KCNG3: variants seen among roughly 807,000 people sequenced by gnomAD.
KCNG3 encodes voltage-gated potassium channel regulatory subunit KCNG3.
A neutral mutation model predicts 29.0 loss-of-function variants in KCNG3; 15 were observed. That is an observed-to-expected ratio of 0.52 (90% confidence interval 0.35 to 0.80). The LOEUF (loss-of-function observed/expected upper bound fraction) is 0.80, where lower values mean the gene tolerates loss of function less well. Ranked by LOEUF, KCNG3 falls within the 30% of genes least tolerant of loss-of-function variation. The probability of loss-of-function intolerance (pLI) is 0.01; values close to 1 mark genes in which losing one functional copy is unlikely to be tolerated. For synonymous variants in KCNG3, 322 were observed against 248.9 expected, an observed-to-expected ratio of 1.29 and a Z score of -2.76; for missense variants, 512 against 605.7, an observed-to-expected ratio of 0.85 and a Z score of 1.62.
the KCNG3 span, among the ~76,000 whole-genome samples, chr2:42,428,475 A>G: frequency 6.1e-4 from 88 of 143,876 alleles, 1 homozygote; most frequent in African/African-American, 1.1e-3. Context: ...AAAAAAAAAA[A>G]AAAGAAAAGA....
intron 1 of KCNG3, among the ~76,000 whole-genome samples, chr2:42,452,232 TA>T (rs1672774337): frequency 1.5e-5 from 1 of 68,170 alleles, no homozygotes; most frequent in Non-Finnish European, 3.0e-5. Context: ...TATATATATA[TA>T]TATATATATA....
At chr2:42,486,237 A>T (rs904526258) in intron 1 of KCNG3, among the ~76,000 whole-genome samples, 8 of 152,194 alleles carry the variant, frequency 5.3e-5, no homozygotes, top group African/African-American at 1.9e-4. Flanking sequence ...AATATCTCAT[A>T]CACTCTCCTA....
Position 42,457,994 on chromosome 2 carries a change from T to C in KCNG3, c.666-13415A>G, listed in dbSNP as rs116432614. Among the ~76,000 whole-genome samples the C allele has an allele frequency of 7.2e-3, 1,100 of 152,120 alleles. 12 individuals carry two copies. The highest frequency in any genetic ancestry group is 0.025 in the African/African-American group (1,053 of 41,508). On this transcript the variant is annotated intron_variant, in intron 1 of 1. Coordinates refer to ENST00000306078, the MANE Select transcript of KCNG3 (RefSeq NM_133329.6). ...AAGTAAATTTTAAACAAACAAAATA[T>C]ATGTACTCACTGACTAAGTCATACC...
chr2:42,479,805 G>A (rs1200652750), intron 1 of KCNG3, among the ~76,000 whole-genome samples: 1 of 152,178 alleles, frequency 6.6e-6, no homozygotes, highest in African/African-American at 2.4e-5. Flanking sequence ...GAGGCCAGGA[G>A]TTCAAGACCT....
downstream of KCNG3, chr2:42,440,425 T>TA (rs1339489743): frequency 6.6e-6 from 1 of 151,808 alleles, no homozygotes; most frequent in Non-Finnish European, 1.5e-5. Context: ...TCTGAAATTC[T>TA]ATCCTGAGGC....
At chr2:42,457,669 A>ACACACACACACACACACACACAC (rs1553327832) in intron 1 of KCNG3, among the ~76,000 whole-genome samples, 1 of 144,488 alleles carries the variant, frequency 6.9e-6, no homozygotes, top group African/African-American at 2.6e-5. Flanking sequence ...ACACACACAC[A>ACACACACACACACACACACACAC]AGGCTGGGCG....
chr2:42,474,654 C>T (rs1437948528), intron 1 of KCNG3, among the ~76,000 whole-genome samples: 8 of 152,222 alleles, frequency 5.3e-5, no homozygotes, highest in Admixed American at 5.2e-4. Context: ...GCTACTTCTT[C>T]TCATATATTT....
chr2:42,420,738 C>T, the KCNG3 span, among the ~76,000 whole-genome samples: 3 of 151,986 alleles, frequency 2.0e-5, no homozygotes, highest in East Asian at 3.9e-4. Context: ...TGCAGTGAGC[C>T]GAGATCATGC....
the KCNG3 span, among the ~76,000 whole-genome samples, chr2:42,426,039 A>G: frequency 5.9e-5 from 9 of 152,240 alleles, no homozygotes; most frequent in Admixed American, 4.6e-4. Flanking sequence ...GACTTTTTTC[A>G]GATGTGCATA....
At chr2:42,391,914 A>G in the KCNG3 span, among the ~76,000 whole-genome samples, 1 of 152,060 alleles carries the variant, frequency 6.6e-6, no homozygotes, top group African/African-American at 2.4e-5. Context: ...AACATTTTAT[A>G]TCTCTTGTCT....
the KCNG3 span, among the ~76,000 whole-genome samples, chr2:42,392,581 A>C: frequency 1.3e-5 from 2 of 152,156 alleles, no homozygotes; most frequent in African/African-American, 4.8e-5. Flanking sequence ...GCCAAAGAGA[A>C]GGCTTTAGTT....
intron 1 of KCNG3, among the ~76,000 whole-genome samples, chr2:42,471,379 G>A (rs1673284750): frequency 6.6e-6 from 1 of 152,064 alleles, no homozygotes; most frequent in Non-Finnish European, 1.5e-5. Flanking sequence ...AATAAACTAA[G>A]TGAAAGCAGC....
chr2:42,401,241 G>C, the KCNG3 span, among the ~76,000 whole-genome samples: 1 of 148,862 alleles, frequency 6.7e-6, no homozygotes, highest in Non-Finnish European at 1.5e-5. Context: ...GAAAATACAG[G>C]TATGTATATA....
chr2:42,432,934 T>TAAAAAAAAAAAAAAAAAAAAAAA, the KCNG3 span, among the ~76,000 whole-genome samples: 1 of 132,764 alleles, frequency 7.5e-6, no homozygotes, highest in Admixed American at 8.1e-5. Context: ...GCTTTTATGA[T>TAAAAAAAAAAAAAAAAAAAAAAA]AAAAAAAAAA....
At chr2:42,478,025 G>T (rs948062263) in intron 1 of KCNG3, among the ~76,000 whole-genome samples, 5 of 152,070 alleles carry the variant, frequency 3.3e-5, no homozygotes, top group African/African-American at 1.2e-4. Flanking sequence ...ATTGTGAAAG[G>T]AGAGCCTGGA....
the KCNG3 span, among the ~76,000 whole-genome samples, chr2:42,404,351 T>C: frequency 5.9e-5 from 9 of 152,318 alleles, no homozygotes; most frequent in Non-Finnish European, 1.3e-4. Flanking sequence ...ACAAAATTGT[T>C]GACAAGGCTA....
At chr2:42,435,851 A>C in the KCNG3 span, among the ~76,000 whole-genome samples, 1 of 152,224 alleles carries the variant, frequency 6.6e-6, no homozygotes, top group East Asian at 1.9e-4. Context: ...CAAAAAGTTA[A>C]ACATTAGCAT....
the KCNG3 span, among the ~76,000 whole-genome samples, chr2:42,405,841 C>T: frequency 3.3e-5 from 5 of 152,194 alleles, no homozygotes; most frequent in Non-Finnish European, 7.4e-5. Context: ...CTCCTGACCT[C>T]GTGACCTGCC....
At chr2:42,474,445 T>C (rs1673373097) in intron 1 of KCNG3, among the ~76,000 whole-genome samples, 2 of 152,092 alleles carry the variant, frequency 1.3e-5, no homozygotes, top group South Asian at 4.1e-4. Context: ...CGAGAATCGC[T>C]TGAACCCAGG....
Sources: allele counts gnomAD v4.1 joint callset (sites outside exome capture counted in the v4.1 genomes callset), GRCh38; gene constraint gnomAD v4.1.1; transcripts MANE v1.5; gene names NCBI Gene and HGNC (gene_info 2026-07-23, HGNC 2026-07-21).